TCF4: variants seen among roughly 807,000 people sequenced by gnomAD.
TCF4 encodes the protein transcription factor 4.
TCF4 carries 3 observed loss-of-function variants against 82.1 expected under a neutral mutation model. The ratio of observed to expected loss-of-function variants is 0.04; its 90% CI spans 0.02 to 0.09. The LOEUF (loss-of-function observed/expected upper bound fraction) is 0.09. TCF4 is among the 10% of genes least tolerant of loss of function. The pLI is 1.00. For missense variants in TCF4, 518 were observed against 852.7 expected (o/e 0.61, Z 4.89); for synonymous variants, 276 against 309.6 (o/e 0.89, Z 1.14).
intron 1 of TCF4, among the ~76,000 whole-genome samples, chr18:55,632,164 G>A (rs908834845): frequency 1.3e-5 from 2 of 152,046 alleles, no homozygotes; most frequent in Admixed American, 6.6e-5. Context: ...TCAGCCTCCC[G>A]ACTAGCTGGG....
chr18:55,379,884 G>T (rs1325566982), intron 6 of TCF4, among the ~76,000 whole-genome samples: 1 of 152,066 alleles, frequency 6.6e-6, no homozygotes. Context: ...TTCTGGAGGG[G>T]TTGGGGAGAG....
At chr18:55,574,806 CTGAATGAA>C (rs551154556) in intron 3 of TCF4, among the ~76,000 whole-genome samples, 1 of 151,652 alleles carries the variant, frequency 6.6e-6, no homozygotes, top group Non-Finnish European at 1.5e-5. Flanking sequence ...AAAACTTTCA[CTGAATGAA>C]TGAATGAATG....
Position 55,520,449 on chromosome 18 carries a change from A to G in TCF4, c.146-56312T>C, listed in dbSNP as rs2096923628. On this transcript the variant is annotated intron_variant, in intron 3 of 19. Transcript: ENST00000354452. Reference sequence around the variant, plus strand: ...GGATCGATGATGTTTATAGATGTCTATATGTATTTATATAGAGATATACAT... The same window carrying G: ...GGATCGATGATGTTTATAGATGTCTGTATGTATTTATATAGAGATATACAT... Among the ~76,000 whole-genome samples the G allele has an allele frequency of 3.9e-5, 6 of 152,172 alleles. No homozygotes were observed. The South Asian group carries it at 1.2e-3, about 32-fold the overall frequency.
At chr18:55,586,831 A>T in intron 2 of TCF4, 1 of 514,986 alleles carries the variant, frequency 1.9e-6, no homozygotes, top group South Asian at 2.1e-5. Context: ...GAAGGCCAGT[A>T]ATAAAACTCA....
At chr18:55,260,909 A>C in intron 12 of TCF4, among the ~76,000 whole-genome samples, 1 of 152,092 alleles carries the variant, frequency 6.6e-6, no homozygotes, top group Non-Finnish European at 1.5e-5. Flanking sequence ...CTAAAATACC[A>C]GATATACTCT....
chr18:55,545,438 T>G (rs1323081442), intron 3 of TCF4, among the ~76,000 whole-genome samples: 1 of 152,086 alleles, frequency 6.6e-6, no homozygotes, highest in Non-Finnish European at 1.5e-5. Flanking sequence ...TCTGGGGTTT[T>G]TTTTGTTTTG....
At chr18:55,503,840 C>T (rs539106963) in intron 3 of TCF4, among the ~76,000 whole-genome samples, 28 of 152,178 alleles carry the variant, frequency 1.8e-4, no homozygotes, top group Admixed American at 3.3e-4. Context: ...TTTGGGAGGC[C>T]GAGGTGGACG....
intron 6 of TCF4, chr18:55,351,740 G>A: frequency 1.7e-6 from 1 of 575,146 alleles, no homozygotes; most frequent in South Asian, 7.8e-5. Flanking sequence ...TAAAAATGAT[G>A]ACATCAGAAA....
chr18:55,330,597 C>T (rs546162058), intron 8 of TCF4, among the ~76,000 whole-genome samples: 112 of 152,088 alleles, frequency 7.4e-4, no homozygotes, highest in African/African-American at 2.4e-3. Context: ...GACGGAGTCT[C>T]GCTCTGTCAC....
Position 55,585,313 on chromosome 18 carries a change from T to G in TCF4, c.112A>C (p.Thr38Pro). 6.2e-7 allele frequency: 1 copy of G among 1,614,020 alleles called. No individual in the cohort carries two copies. Among genetic ancestry groups the G allele is most frequent in the Non-Finnish European group, 8.5e-7 (1 of 1,179,956 alleles). ...PPVSSGKNGP[T>P]SLASGHFTGS... ...GTAAAATGTCCACTTGCCAAAGAAG[T>G]TGGTCCATTTTTCCCACTGCTCACA... Residue 38 changes from threonine (T) to proline (P), a missense_variant, in exon 3 of 20, where the codon ACT becomes CCT. By Grantham distance (38) the Thr-to-Pro change is conservative. Around this residue, in one of 7 missense-constraint regions of TCF4, gnomAD observed 19 missense variants for 54.5 expected, o/e 0.35. Transcript: ENST00000354452.
chr18:55,559,886 G>C (rs1234262944), intron 3 of TCF4, among the ~76,000 whole-genome samples: 1 of 152,086 alleles, frequency 6.6e-6, no homozygotes, highest in Non-Finnish European at 1.5e-5. Flanking sequence ...CCTGAAGCAA[G>C]AAAAAGAAGC....
intron 3 of TCF4, among the ~76,000 whole-genome samples, chr18:55,557,158 G>A (rs1433487309): frequency 6.6e-6 from 1 of 152,206 alleles, no homozygotes; most frequent in Non-Finnish European, 1.5e-5. Flanking sequence ...TATGGCATCA[G>A]TTGGATTTTT....
intron 6 of TCF4, among the ~76,000 whole-genome samples, chr18:55,369,749 C>G (rs1233326536): frequency 1.3e-5 from 2 of 152,132 alleles, no homozygotes; most frequent in East Asian, 3.8e-4. Flanking sequence ...ATTTTTTAAG[C>G]TGACATAAAT....
chr18:55,491,221 A>G (rs2096572671), intron 3 of TCF4, among the ~76,000 whole-genome samples: 4 of 152,150 alleles, frequency 2.6e-5, no homozygotes, highest in Admixed American at 2.6e-4. Context: ...TTTATGAGAA[A>G]AAGTTGGAGA....
In TCF4 at chr18:55,333,135, CT is replaced by C. The variant is rs35292381; in HGVS notation, c.549+17223del. Among the ~76,000 whole-genome samples, 237 of 152,136 alleles carry C rather than the reference CT, an allele frequency of 1.6e-3. 1 individual carries two copies. Among genetic ancestry groups the C allele is most frequent in the African/African-American group, 5.4e-3 (224 of 41,526 alleles). ...AAGTTATCATTCTGGATGTTTTAAC[CT>C]TTTTTTCTTAAGGTTTCCTAACTCA... On this transcript the variant is annotated intron_variant, in intron 8 of 19. Coordinates refer to ENST00000354452, the MANE Select transcript of TCF4 (RefSeq NM_001083962.2).
At chr18:55,596,054 G>T in intron 2 of TCF4, 1 of 404,460 alleles carries the variant, frequency 2.5e-6, no homozygotes, top group Non-Finnish European at 4.9e-6. Flanking sequence ...CCAACGTGGT[G>T]AAACCCCGTC....
At chr18:55,476,015 C>T (rs2145360162) in intron 3 of TCF4, among the ~76,000 whole-genome samples, 1 of 152,234 alleles carries the variant, frequency 6.6e-6, no homozygotes, top group South Asian at 2.1e-4. Context: ...CCATGCTATC[C>T]TAACAGGCTA....
Position 55,477,630 on chromosome 18 carries a change from C to T in TCF4, c.146-13493G>A, listed in dbSNP as rs1046375515. Among the ~76,000 whole-genome samples, 114 of 152,320 alleles carry T rather than the reference C, an allele frequency of 7.5e-4. 1 individual carries two copies. The highest frequency in any genetic ancestry group is 2.7e-3 in the African/African-American group (113 of 41,566). On this transcript the variant is annotated intron_variant, in intron 3 of 19. Transcript: ENST00000354452. ...ACGCAGTTGCCATCAGTTTAAGAAA[C>T]GCCCAGGACTTTGCTAGCAGGACAG... is the stretch of plus-strand genomic sequence containing the variant.
intron 8 of TCF4, chr18:55,320,713 A>G (rs1241209512): frequency 2.0e-5 from 3 of 152,196 alleles, no homozygotes; most frequent in African/African-American, 7.2e-5. Context: ...AAAGTACACA[A>G]AGAGAACAGT....
Sources: gnomAD v4.1 joint callset for allele counts (sites outside exome capture counted in the v4.1 genomes callset) on GRCh38, gnomAD v4.1.1 for gene constraint, gnomAD v4.1.1 regional missense constraint, MANE v1.5 for transcripts, NCBI Gene and HGNC (gene_info 2026-07-23, HGNC 2026-07-21) for gene names.